Variants in ZMYM2 observed in about 807,000 individuals in gnomAD.
ZMYM2 encodes the protein zinc finger MYM-type containing 2.
Under a neutral mutation model 162.8 loss-of-function variants are expected in ZMYM2, and 56 were observed. The observed-to-expected ratio is 0.34, with a 90% CI of 0.28 to 0.43. The LOEUF (loss-of-function observed/expected upper bound fraction) is 0.43, where lower values mean the gene tolerates loss of function less well. Ranked by LOEUF, ZMYM2 falls within the 20% of genes least tolerant of loss-of-function variation. The pLI, the probability that ZMYM2 is intolerant of heterozygous loss-of-function variation, is 1.00. For synonymous variants in ZMYM2, 510 were observed against 541.6 expected, an observed-to-expected ratio of 0.94 and a Z score of 0.81; for missense variants, 1,275 against 1,621.8, an observed-to-expected ratio of 0.79 and a Z score of 3.67.
chr13:19,916,035 A>AT, the ZMYM2 span, among the ~76,000 whole-genome samples: 2 of 151,342 alleles, frequency 1.3e-5, no homozygotes, highest in African/African-American at 2.4e-5. Context: ...AATTTTTTCT[A>AT]TTTTTTTAGC....
chr13:19,968,490 G>T (rs1008355929), intron 2 of ZMYM2, among the ~76,000 whole-genome samples: 5 of 152,140 alleles, frequency 3.3e-5, no homozygotes, highest in Admixed American at 3.3e-4. Flanking sequence ...TCGAACTCCT[G>T]ACCTCAGGTG....
At chr13:19,910,763 A>T in the ZMYM2 span, among the ~76,000 whole-genome samples, 1 of 152,154 alleles carries the variant, frequency 6.6e-6, no homozygotes, top group African/African-American at 2.4e-5. Context: ...CTAAATTGGG[A>T]AACCTAAATA....
At chr13:19,883,652 T>C in the ZMYM2 span, among the ~76,000 whole-genome samples, 1 of 152,226 alleles carries the variant, frequency 6.6e-6, no homozygotes, top group Admixed American at 6.5e-5. Flanking sequence ...TTTCAATTTC[T>C]GAGTGCTTTA....
At chr13:19,929,321 C>T in the ZMYM2 span, among the ~76,000 whole-genome samples, 1 of 152,068 alleles carries the variant, frequency 6.6e-6, no homozygotes, top group African/African-American at 2.4e-5. Context: ...TCACTGCAAA[C>T]TGCGCCTCCT....
chr13:19,915,415 T>TTTCTTTCTTTCTTTCTTTCTTTCTTTC, the ZMYM2 span, among the ~76,000 whole-genome samples: 1 of 148,280 alleles, frequency 6.7e-6, no homozygotes, highest in Non-Finnish European at 1.5e-5. Context: ...CTTGCTTGCT[T>TTTCTTTCTTTCTTTCTTTCTTTCTTTC]TTTCTTTCTT....
At chr13:20,034,215 G>T (rs199968821) in intron 10 of ZMYM2, 39 bp from the exon 11 acceptor site, 1 of 294,280 alleles carries the variant, frequency 3.4e-6, no homozygotes, top group African/African-American at 1.1e-4. Flanking sequence ...TCTTAAGCTT[G>T]TCGTCATATA....
At chr13:19,884,579 G>GA in the ZMYM2 span, among the ~76,000 whole-genome samples, 66 of 150,740 alleles carry the variant, frequency 4.4e-4, no homozygotes, top group South Asian at 5.9e-3. Flanking sequence ...GTATCAAAAA[G>GA]AAAAAAAAAG....
chr13:19,909,437 T>G, the ZMYM2 span, among the ~76,000 whole-genome samples: 137 of 147,750 alleles, frequency 9.3e-4, no homozygotes, highest in Admixed American at 1.4e-3. Context: ...TTTCGTTTTT[T>G]TTTTTTTTTT....
intron 21 of ZMYM2, among the ~76,000 whole-genome samples, chr13:20,072,342 G>A (rs540865979): frequency 6.6e-6 from 1 of 152,266 alleles, no homozygotes; most frequent in East Asian, 1.9e-4. Context: ...CCGACATGGT[G>A]AAATGCTGTC....
In ZMYM2 at chr13:20,025,399, A is replaced by G. The variant is rs1952487563; in HGVS notation, c.1585-1213A>G. 1.7e-5 allele frequency: 3 copies of G among 181,378 alleles called. No individual in the cohort carries two copies. In the Admixed American group the frequency reaches 1.9e-4, roughly 11 times the overall value. The allele number at this position is 181,378 out of a possible 1,614,324, so 11.2% of individuals were successfully genotyped here. On this transcript the variant is annotated intron_variant, in intron 7 of 24. Transcript: ENST00000610343. ...AGGCTAGCCTTTCGTTTTTATTTCT[A>G]CCTTTTTTTTCTTTTTGTGGAAGAT...
the ZMYM2 span, among the ~76,000 whole-genome samples, chr13:19,911,083 T>A: frequency 6.9e-6 from 1 of 144,094 alleles, no homozygotes; most frequent in African/African-American, 2.6e-5. Context: ...AGTCTCACTC[T>A]GTTGTCCAGC....
At chr13:19,964,106 C>G (rs1594039362) in intron 2 of ZMYM2, among the ~76,000 whole-genome samples, 3 of 152,162 alleles carry the variant, frequency 2.0e-5, no homozygotes, top group African/African-American at 7.2e-5. Context: ...TGGCCGGGCT[C>G]AGTGGCTCAC....
intron 6 of ZMYM2, among the ~76,000 whole-genome samples, chr13:20,014,043 G>A (rs1412608298): frequency 6.6e-6 from 1 of 152,052 alleles, no homozygotes; most frequent in East Asian, 1.9e-4. Context: ...GAAGTCATCT[G>A]ATCTTGGCCT....
the ZMYM2 span, among the ~76,000 whole-genome samples, chr13:19,870,550 T>TCTTTCTTTCTTTCTTTCTTC: frequency 1.7e-5 from 2 of 114,746 alleles, no homozygotes; most frequent in African/African-American, 6.9e-5. Context: ...TTTCTTTCTT[T>TCTTTCTTTCTTTCTTTCTTC]CTTCCTTCCT....
intron 12 of ZMYM2, among the ~76,000 whole-genome samples, chr13:20,042,567 C>T (rs1430763970): frequency 6.6e-6 from 1 of 151,996 alleles, no homozygotes; most frequent in Non-Finnish European, 1.5e-5. Flanking sequence ...CTGCCTGATT[C>T]AGAACCCTTA....
chr13:20,038,647 G>A (rs1239227368), intron 12 of ZMYM2, among the ~76,000 whole-genome samples: 2 of 152,004 alleles, frequency 1.3e-5, no homozygotes, highest in Non-Finnish European at 2.9e-5. Flanking sequence ...CTTTTGTACC[G>A]GTACCATGCT....
chr13:20,029,369 T>G (rs1314019808), intron 9 of ZMYM2, among the ~76,000 whole-genome samples: 3 of 152,258 alleles, frequency 2.0e-5, no homozygotes, highest in Non-Finnish European at 4.4e-5. Flanking sequence ...TACTGTCACC[T>G]TGGGGTTTAG....
At position 20,088,265 on chromosome 13, in the gene ZMYM2, C is replaced by A. The variant is rs1249416525; in HGVS notation, c.*2251C>A. On this transcript the variant is annotated 3_prime_UTR_variant, in exon 25 of 25. Coordinates refer to ENST00000610343, the MANE Select transcript of ZMYM2 (RefSeq NM_197968.4). Reference sequence around the variant, plus strand: ...AGAATTGTTTGTTCTGTGAAACTCACTTCACCTAGAACACATTTCATTGAT... The same window carrying A: ...AGAATTGTTTGTTCTGTGAAACTCAATTCACCTAGAACACATTTCATTGAT... 1 of 208,378 alleles carries A rather than the reference C, an allele frequency of 4.8e-6. No homozygotes were observed. Among genetic ancestry groups the A allele is most frequent in the African/African-American group, 2.3e-5 (1 of 44,122 alleles). The allele number at this position is 208,378 out of a possible 1,614,324, so 12.9% of individuals were successfully genotyped here.
chr13:19,959,534 G>A (rs1308194007), intron 1 of ZMYM2, among the ~76,000 whole-genome samples: 3 of 152,204 alleles, frequency 2.0e-5, no homozygotes, highest in Non-Finnish European at 2.9e-5. Flanking sequence ...AACTGCTTGG[G>A]GCAAATGTGG....
Sources: allele counts gnomAD v4.1 joint callset (sites outside exome capture counted in the v4.1 genomes callset), GRCh38; gene constraint gnomAD v4.1.1; transcripts MANE v1.5; gene names NCBI Gene and HGNC (gene_info 2026-07-23, HGNC 2026-07-21).